CPNE4: variants seen among roughly 807,000 people sequenced by gnomAD.
CPNE4 encodes the protein copine 4, also known as copine-4.
In CPNE4, 25 loss-of-function variants were observed where a neutral mutation model predicts 67.9. The observed-to-expected ratio is 0.37, with a 90% confidence interval of 0.27 to 0.51. The LOEUF (loss-of-function observed/expected upper bound fraction) is 0.51, where lower values mean the gene tolerates loss of function less well. Ranked by LOEUF, CPNE4 falls within the 20% of genes least tolerant of loss-of-function variation. The pLI is 0.93. For synonymous variants in CPNE4, 242 were observed against 244.9 expected (o/e 0.99, Z 0.11); for missense variants, 464 against 690.8 (o/e 0.67, Z 3.68).
chr3:131,675,766 T>G (rs2080544181), intron 6 of CPNE4, among the ~76,000 whole-genome samples: 1 of 151,872 alleles, frequency 6.6e-6, no homozygotes, highest in African/African-American at 2.4e-5. Context: ...CAACCCTATG[T>G]CTTTTTATTG....
chr3:131,675,919 G>A (rs2080548503), intron 6 of CPNE4, among the ~76,000 whole-genome samples: 1 of 149,608 alleles, frequency 6.7e-6, no homozygotes. Flanking sequence ...TTATAGTGAA[G>A]GTAATTTTTC....
chr3:131,811,413 T>C (rs918085369), intron 2 of CPNE4, among the ~76,000 whole-genome samples: 7 of 152,132 alleles, frequency 4.6e-5, no homozygotes, highest in African/African-American at 1.7e-4. Context: ...TTTTCCTATC[T>C]GGAAATAATG....
At chr3:131,880,394 G>C (rs537710888) in intron 2 of CPNE4, among the ~76,000 whole-genome samples, 1 of 152,222 alleles carries the variant, frequency 6.6e-6, no homozygotes, top group African/African-American at 2.4e-5. Context: ...GATTACAGGC[G>C]TGAGCCACCA....
At chr3:131,734,880 A>T (rs2082201588) in intron 2 of CPNE4, among the ~76,000 whole-genome samples, 1 of 152,078 alleles carries the variant, frequency 6.6e-6, no homozygotes, top group Non-Finnish European at 1.5e-5. Flanking sequence ...AACAGGAGTG[A>T]AACCCTGTCC....
chr3:131,973,154 G>C (rs1413655330), intron 1 of CPNE4, among the ~76,000 whole-genome samples: 2 of 152,068 alleles, frequency 1.3e-5, no homozygotes, highest in Admixed American at 1.3e-4. Flanking sequence ...TTGTACAACG[G>C]ATCTGTGGTA....
At chr3:131,804,701 G>A (rs976145242) in intron 2 of CPNE4, among the ~76,000 whole-genome samples, 5 of 152,312 alleles carry the variant, frequency 3.3e-5, no homozygotes, top group South Asian at 2.1e-4. Context: ...CAGCGTGCCT[G>A]TTCTAAACCA....
intron 2 of CPNE4, among the ~76,000 whole-genome samples, chr3:131,743,598 A>T (rs916487166): frequency 2.0e-5 from 3 of 152,196 alleles, no homozygotes; most frequent in Non-Finnish European, 4.4e-5. Flanking sequence ...ATGCAAAGAG[A>T]GTTAAATATC....
At chr3:131,921,185 A>G (rs2070731704) in intron 1 of CPNE4, among the ~76,000 whole-genome samples, 1 of 152,208 alleles carries the variant, frequency 6.6e-6, no homozygotes, top group African/African-American at 2.4e-5. Flanking sequence ...AAAAAGCACC[A>G]AACTATTCCT....
Position 131,864,876 on chromosome 3 carries a change from G to A in CPNE4, c.180+40388C>T, listed in dbSNP as rs148124971. On this transcript the variant is annotated intron_variant, in intron 2 of 15. Transcript: ENST00000429747. ...AATAGCTCTTATTATTTTGAGATACGTCCCATCAATACCTAATTTATCGAG... is the reference window on the plus strand; with the variant it reads ...AATAGCTCTTATTATTTTGAGATACATCCCATCAATACCTAATTTATCGAG... Among the ~76,000 whole-genome samples the A allele has an allele frequency of 4.7e-3, 719 of 152,106 alleles. 7 individuals are homozygous for A. Among genetic ancestry groups the A allele is most frequent in the African/African-American group, 0.015 (630 of 41,492 alleles).
intron 7 of CPNE4, among the ~76,000 whole-genome samples, chr3:131,628,260 G>A (rs1318837029): frequency 6.6e-6 from 1 of 152,150 alleles, no homozygotes; most frequent in Non-Finnish European, 1.5e-5. Context: ...GCATACCCAA[G>A]ACTGGGAAGA....
At chr3:131,951,064 C>T (rs1201435973) in intron 1 of CPNE4, among the ~76,000 whole-genome samples, 1 of 152,080 alleles carries the variant, frequency 6.6e-6, no homozygotes, top group East Asian at 1.9e-4. Flanking sequence ...TAAGTTTCCT[C>T]AGTTTTATGA....
chr3:131,633,093 C>T (rs2079275316), intron 7 of CPNE4, among the ~76,000 whole-genome samples: 1 of 152,184 alleles, frequency 6.6e-6, no homozygotes, highest in African/African-American at 2.4e-5. Flanking sequence ...CTTCCAGTTG[C>T]TCAGGCTAAG....
At chr3:132,035,895 G>C (rs1560825054), upstream of CPNE4, among the ~76,000 whole-genome samples, 1 of 152,094 alleles carries the variant, frequency 6.6e-6, no homozygotes, top group Non-Finnish European at 1.5e-5. Flanking sequence ...GGAGATGGAA[G>C]GTCTTCCTTC....
At chr3:131,958,910 G>C in intron 1 of CPNE4, among the ~76,000 whole-genome samples, 1 of 147,486 alleles carries the variant, frequency 6.8e-6, no homozygotes, top group Non-Finnish European at 1.5e-5. Context: ...CGCCCGACTT[G>C]GCCTCCCAAA....
At chr3:131,668,415 T>C (rs2080315910) in intron 7 of CPNE4, among the ~76,000 whole-genome samples, 1 of 152,168 alleles carries the variant, frequency 6.6e-6, no homozygotes, top group Non-Finnish European at 1.5e-5. Flanking sequence ...GAAGTCAACA[T>C]GAATGTTTAG....
chr3:131,974,263 T>C (rs1057419657), intron 1 of CPNE4, among the ~76,000 whole-genome samples: 1 of 152,194 alleles, frequency 6.6e-6, no homozygotes, highest in Non-Finnish European at 1.5e-5. Context: ...ACAATGGTAA[T>C]TGTAAAATGT....
At chr3:131,862,959 T>C (rs2086756826) in intron 2 of CPNE4, among the ~76,000 whole-genome samples, 1 of 149,194 alleles carries the variant, frequency 6.7e-6, no homozygotes. Context: ...ACATGCGGTG[T>C]TTGGTTTTTT....
At chr3:131,851,351 G>A (rs2086236047) in intron 2 of CPNE4, among the ~76,000 whole-genome samples, 2 of 151,982 alleles carry the variant, frequency 1.3e-5, no homozygotes, top group African/African-American at 4.8e-5. Flanking sequence ...AGGCTGATTT[G>A]AAGAATATTC....
chr3:131,660,924 G>A (rs1461037998), intron 7 of CPNE4, among the ~76,000 whole-genome samples: 1 of 152,092 alleles, frequency 6.6e-6, no homozygotes, highest in African/African-American at 2.4e-5. Flanking sequence ...TTAGAGAGAG[G>A]CCTCTTCATA....
Sources: gnomAD v4.1 joint callset for allele counts (sites outside exome capture counted in the v4.1 genomes callset) on GRCh38, gnomAD v4.1.1 for gene constraint, MANE v1.5 for transcripts, NCBI Gene and HGNC (gene_info 2026-07-23, HGNC 2026-07-21) for gene names.